UTRN: variants seen among roughly 807,000 people sequenced by gnomAD.
UTRN encodes dystrophin-related protein 1.
UTRN carries 283 observed loss-of-function variants against 463.9 expected under a neutral mutation model. The observed-to-expected ratio is 0.61, with a 90% CI of 0.55 to 0.67. The LOEUF is 0.67. UTRN is among the 30% of genes least tolerant of loss of function. UTRN has a pLI of 0.00. For missense variants in UTRN, 3,922 were observed against 4,084.3 expected, an observed-to-expected ratio of 0.96 and a Z score of 1.08; for synonymous variants, 1,442 against 1,431.5, an observed-to-expected ratio of 1.01 and a Z score of -0.17.
chr6:144,741,400 CTTCT>C (rs1354976977), intron 54 of UTRN, among the ~76,000 whole-genome samples: 1 of 152,052 alleles, frequency 6.6e-6, no homozygotes, highest in Non-Finnish European at 1.5e-5. Context: ...GGAGAATTTT[CTTCT>C]TTATTTTCTT....
At chr6:144,450,900 G>A (rs757414140) in intron 17 of UTRN, among the ~76,000 whole-genome samples, 10 of 152,132 alleles carry the variant, frequency 6.6e-5, no homozygotes, top group African/African-American at 4.8e-5. Flanking sequence ...AGGCCAAGGC[G>A]GGCCGATCAT....
In UTRN at chr6:144,653,917, T is replaced by C. The variant is rs1585803483; in HGVS notation, c.7480-24489T>C. Among the ~76,000 whole-genome samples, 3 of 152,252 alleles carry C rather than the reference T, an allele frequency of 2.0e-5. No homozygotes were observed. The East Asian group carries it at 5.8e-4, about 29-fold the overall frequency. On this transcript the variant is annotated intron_variant, in intron 51 of 74. Transcript: ENST00000367545. ...TAAAGTAAAGGAATTCTTCATTTTG[T>C]AATCAGCCTACTGATTTCCATGAAA...
intron 2 of UTRN, among the ~76,000 whole-genome samples, chr6:144,343,889 G>C (rs891014902): frequency 6.6e-6 from 1 of 151,898 alleles, no homozygotes; most frequent in African/African-American, 2.4e-5. Flanking sequence ...CCCCTTCCCA[G>C]CTGATACTGT....
intron 28 of UTRN, among the ~76,000 whole-genome samples, chr6:144,486,767 G>T (rs139029596): frequency 1.5e-4 from 23 of 152,178 alleles, no homozygotes; most frequent in Middle Eastern, 3.4e-3. Context: ...TGATCCACCC[G>T]CTTCGGCCTC....
intron 42 of UTRN, among the ~76,000 whole-genome samples, chr6:144,532,631 G>A (rs980732709): frequency 1.3e-5 from 2 of 152,196 alleles, no homozygotes; most frequent in African/African-American, 4.8e-5. Flanking sequence ...AACCAGTGAA[G>A]CAATATCTTA....
chr6:144,818,880 C>T (rs1779315052), intron 65 of UTRN, among the ~76,000 whole-genome samples: 1 of 150,710 alleles, frequency 6.6e-6, no homozygotes. Context: ...TTGCTCCCAA[C>T]TACAATCTGT....
chr6:144,468,241 G>T (rs1022578068), intron 23 of UTRN, among the ~76,000 whole-genome samples: 2 of 151,992 alleles, frequency 1.3e-5, no homozygotes, highest in African/African-American at 4.8e-5. Context: ...GGTGAGATAG[G>T]GTCAGAGGAA....
At chr6:144,287,398 T>A (rs1803795900) in intron 1 of UTRN, among the ~76,000 whole-genome samples, 1 of 152,166 alleles carries the variant, frequency 6.6e-6, no homozygotes, top group Non-Finnish European at 1.5e-5. Context: ...ACTCACCGTT[T>A]TCTTTTACTG....
intron 53 of UTRN, among the ~76,000 whole-genome samples, chr6:144,720,025 C>T (rs1403266215): frequency 6.6e-6 from 1 of 152,224 alleles, no homozygotes; most frequent in Non-Finnish European, 1.5e-5. Context: ...TTAGCTCAGT[C>T]CATATGACCA....
At position 144,739,502 on chromosome 6, in the gene UTRN, C is replaced by T. The variant is rs117438022; in HGVS notation, c.7940-8744C>T. 1.6e-3 allele frequency among the ~76,000 whole-genome samples: 238 copies of T among 152,262 alleles called. 2 individuals carry two copies. In the East Asian group the frequency reaches 0.038, roughly 24 times the overall value. On this transcript the variant is annotated intron_variant, in intron 54 of 74. Coordinates refer to ENST00000367545, the MANE Select transcript of UTRN (RefSeq NM_007124.3). ...GGCTAGTAAAACTAATGGGTGTTTTCTCCCAGGGCTTTTGTTTTCCTCACT... is the reference window on the plus strand; with the variant it reads ...GGCTAGTAAAACTAATGGGTGTTTTTTCCCAGGGCTTTTGTTTTCCTCACT...
intron 2 of UTRN, among the ~76,000 whole-genome samples, chr6:144,332,970 G>T (rs537184876): frequency 2.0e-5 from 3 of 150,930 alleles, no homozygotes; most frequent in Admixed American, 6.6e-5. Context: ...GTCTCATTCT[G>T]TCACTCAGGC....
chr6:144,462,907 G>A, intron 23 of UTRN, 41 bp downstream of exon 23: 1 of 1,411,704 alleles, frequency 7.1e-7, no homozygotes, highest in Non-Finnish European at 9.8e-7. Context: ...TTATTACGGG[G>A]TAAATAGTAA....
intron 51 of UTRN, among the ~76,000 whole-genome samples, chr6:144,657,715 G>T (rs1025430405): frequency 2.6e-5 from 4 of 152,152 alleles, no homozygotes; most frequent in Admixed American, 1.3e-4. Context: ...ATTCCCTGTT[G>T]TTCCACGGAG....
At chr6:144,603,675 A>G (rs1804509766) in intron 51 of UTRN, among the ~76,000 whole-genome samples, 1 of 152,182 alleles carries the variant, frequency 6.6e-6, no homozygotes, top group South Asian at 2.1e-4. Context: ...TGAGAACAAA[A>G]TTTCAGTCTT....
rs1775832207 is a variant in UTRN, at chr6:144,324,108, T to A, written c.79+32201T>A. ...TGAGCATTTGGGTTCTAGAAACCTT[T>A]ACACTGGGTGTATTTTTATTTCATT... On this transcript the variant is annotated intron_variant, in intron 2 of 74. Transcript: ENST00000367545. Among the ~76,000 whole-genome samples, 3 of 152,252 alleles carry A rather than the reference T, an allele frequency of 2.0e-5. No homozygotes were observed. In the East Asian group the frequency reaches 5.8e-4, roughly 29 times the overall value.
intron 2 of UTRN, among the ~76,000 whole-genome samples, chr6:144,392,852 C>G (rs534614307): frequency 6.6e-6 from 1 of 152,196 alleles, no homozygotes; most frequent in Non-Finnish European, 1.5e-5. Context: ...TCATACCTCT[C>G]ACTCTCCTCA....
chr6:144,788,129 A>G (rs1776442196), intron 61 of UTRN, among the ~76,000 whole-genome samples: 1 of 152,184 alleles, frequency 6.6e-6, no homozygotes, highest in African/African-American at 2.4e-5. Context: ...TATAAGTGAA[A>G]TAGAAATGAT....
chr6:144,755,558 T>A (rs1791901852), intron 57 of UTRN, among the ~76,000 whole-genome samples: 1 of 152,192 alleles, frequency 6.6e-6, no homozygotes, highest in Non-Finnish European at 1.5e-5. Flanking sequence ...TTCCTCTGAT[T>A]GTTTTGAGAA....
At chr6:144,488,645 C>T in intron 29 of UTRN, 28 bp from the exon 30 acceptor site, 1 of 1,604,274 alleles carries the variant, frequency 6.2e-7, no homozygotes, top group Non-Finnish European at 8.5e-7. Flanking sequence ...TGTTGGGCAA[C>T]TAATGATTCA....
Sources: allele counts gnomAD v4.1 joint callset (sites outside exome capture counted in the v4.1 genomes callset), GRCh38; gene constraint gnomAD v4.1.1; transcripts MANE v1.5; gene names NCBI Gene and HGNC (gene_info 2026-07-23, HGNC 2026-07-21).